The following GCNT1 variants were observed in gnomAD, a reference collection of about 807,000 sequenced individuals.
The protein encoded by GCNT1 is beta-1,3-galactosyl-O-glycosyl-glycoprotein beta-1,6-N-acetylglucosaminyltransferase.
Under a neutral mutation model 26.2 loss-of-function variants are expected in GCNT1, and 16 were observed. The observed-to-expected ratio is 0.61, with a 90% confidence interval of 0.41 to 0.93. The LOEUF (loss-of-function observed/expected upper bound fraction) is 0.93. GCNT1 is among the 40% of genes least tolerant of loss of function. The pLI is 0.00. For synonymous variants in GCNT1, 183 were observed against 190.8 expected, an observed-to-expected ratio of 0.96 and a Z score of 0.34; for missense variants, 477 against 526.7, an observed-to-expected ratio of 0.91 and a Z score of 0.92.
chr9:76,426,199 C>T lies in GCNT1; in HGVS notation n.38+6312C>T, dbSNP rs529967616. On this transcript the variant is annotated intron_variant and non_coding_transcript_variant, in intron 1 of 3. Transcript: ENST00000488136. ...TTCTCCCCAAAGTTAGTTCGTCCTG[C>T]GCTCAGGAATGAACAAGGACAGCTT... Among the ~76,000 whole-genome samples, 110 of 152,248 alleles carry T rather than the reference C, an allele frequency of 7.2e-4. 1 individual carries two copies. The highest frequency in any genetic ancestry group is 2.5e-3 in the African/African-American group (104 of 41,550).
At chr9:76,412,392 CCTACATTATTTTT>C in the GCNT1 span, among the ~76,000 whole-genome samples, 2 of 152,168 alleles carry the variant, frequency 1.3e-5, no homozygotes, top group Non-Finnish European at 1.5e-5. Flanking sequence ...ACATTTCTGA[CCTACATTATTTTT>C]CTTCTATGTG....
At chr9:76,474,587 T>C (rs1824213789) in intron 2 of GCNT1, among the ~76,000 whole-genome samples, 1 of 152,204 alleles carries the variant, frequency 6.6e-6, no homozygotes. Flanking sequence ...CTATTACATC[T>C]GAGCAAAAAT....
At chr9:76,455,198 A>G (rs1823737857), upstream of GCNT1, among the ~76,000 whole-genome samples, 1 of 152,114 alleles carries the variant, frequency 6.6e-6, no homozygotes, top group Admixed American at 6.5e-5. Context: ...TCTTTATAGC[A>G]ATGTGAAAGC....
chr9:76,504,685 G>A lies in GCNT1; in HGVS notation c.*1017G>A. On this transcript the variant is annotated 3_prime_UTR_variant, in exon 4 of 4. Transcript: ENST00000376730. The stretch of plus-strand genomic sequence containing the variant: ...TGACACCATCCCCAAAATTAAGGCT[G>A]TCGCTTATTGAATCCACTTGTGTCC... 2 of 413,140 alleles carry A rather than the reference G, an allele frequency of 4.8e-6. No individual in the cohort carries two copies. The highest frequency in any genetic ancestry group is 3.6e-5 in the East Asian group (1 of 28,088). The allele number at this position is 413,140 out of a possible 1,614,324, so 25.6% of individuals were successfully genotyped here. A position where few individuals can be genotyped will look rare whatever the true frequency, so the allele number is the denominator to read the frequency against.
intron 1 of GCNT1, among the ~76,000 whole-genome samples, chr9:76,429,617 G>A (rs935508268): frequency 2.0e-5 from 3 of 152,028 alleles, no homozygotes; most frequent in Admixed American, 6.6e-5. Context: ...CATTTAGGAG[G>A]CTAGGTCCAG....
chr9:76,491,119 CTTT>C (rs1176586688), intron 2 of GCNT1, among the ~76,000 whole-genome samples: 5 of 149,740 alleles, frequency 3.3e-5, no homozygotes, highest in Admixed American at 6.6e-5. Flanking sequence ...TTGACTTCTT[CTTT>C]GTCTCTCTCT....
intron 2 of GCNT1, among the ~76,000 whole-genome samples, chr9:76,475,609 C>T (rs1333289171): frequency 6.6e-5 from 10 of 151,536 alleles, no homozygotes; most frequent in African/African-American, 2.2e-4. Context: ...GAGACTTGAC[C>T]GAGGCCACTA....
rs1212803134 is a variant in GCNT1, at chr9:76,502,793, A to G, written c.412A>G (p.Arg138Gly). ...VVHHKIEMLD[R>G]LLRAIYMPQN... ...TCATCACAAGATTGAAATGCTTGAC[A>G]GGCTGCTGAGGGCCATCTATATGCC... Residue 138 changes from arginine to glycine, a missense_variant, in exon 4 of 4, where the codon AGG becomes GGG. By Grantham distance (125) the Arg-to-Gly change is moderately radical. Coordinates refer to ENST00000376730, the MANE Select transcript of GCNT1 (RefSeq NM_001490.5). 6.2e-7 allele frequency: 1 copy of G among 1,614,040 alleles called. No homozygotes were observed. The highest frequency in any genetic ancestry group is 1.6e-4 in the Middle Eastern group (1 of 6,084).
At position 76,462,473 on chromosome 9, in the gene GCNT1, T is replaced by C. The variant is rs566880445; in HGVS notation, c.-290+2296T>C. On this transcript the variant is annotated intron_variant, in intron 2 of 3. Coordinates refer to ENST00000376730, the MANE Select transcript of GCNT1 (RefSeq NM_001490.5). ...TCTGTTGTGGGGGCTGTCCTGTGCA[T>C]TGCAGGATGTTTAGCAGCATCTCTG... Among the ~76,000 whole-genome samples, 55 of 152,334 alleles carry C rather than the reference T, an allele frequency of 3.6e-4. 1 individual carries two copies. The highest frequency in any genetic ancestry group is 1.2e-3 in the African/African-American group (51 of 41,588).
intron 2 of GCNT1, among the ~76,000 whole-genome samples, chr9:76,467,173 T>G (rs1167688754): frequency 1.3e-5 from 2 of 152,042 alleles, no homozygotes; most frequent in East Asian, 3.9e-4. Flanking sequence ...CTCCCAAGTA[T>G]CTGGGACTAC....
chr9:76,481,064 C>A (rs985335557), intron 2 of GCNT1, among the ~76,000 whole-genome samples: 1 of 152,070 alleles, frequency 6.6e-6, no homozygotes, highest in African/African-American at 2.4e-5. Context: ...CATGGTGAAA[C>A]CCCATGTCTA....
At position 76,503,800 on chromosome 9, in the gene GCNT1, G is replaced by T; in HGVS notation, c.*132G>T. 1 of 705,184 alleles carries T rather than the reference G, an allele frequency of 1.4e-6. No homozygotes were observed. Among genetic ancestry groups the T allele is most frequent in the Non-Finnish European group, 2.5e-6 (1 of 400,628 alleles). 43.7% of individuals were successfully genotyped at this position (705,184 alleles called of 1,614,324 possible). Reference sequence around the variant, plus strand: ...GGCAGGGACTCTAGTAGATCTTCTTGTCAGAGAAGCTGCATGGTTTCTGCA... The same window carrying T: ...GGCAGGGACTCTAGTAGATCTTCTTTTCAGAGAAGCTGCATGGTTTCTGCA... On this transcript the variant is annotated 3_prime_UTR_variant, in exon 4 of 4. Transcript: ENST00000376730.
intron 1 of GCNT1, among the ~76,000 whole-genome samples, chr9:76,436,074 C>T (rs1203201169): frequency 6.6e-6 from 1 of 151,190 alleles, no homozygotes; most frequent in Non-Finnish European, 1.5e-5. Flanking sequence ...TCCTCAGCCT[C>T]CCCAGTAGGT....
intron 2 of GCNT1, among the ~76,000 whole-genome samples, chr9:76,495,062 G>A (rs1040705245): frequency 3.9e-5 from 6 of 152,148 alleles, no homozygotes; most frequent in African/African-American, 1.4e-4. Flanking sequence ...TGGCCGATAG[G>A]TGCCCAGTAT....
At chr9:76,470,603 CA>C (rs10564028) in intron 2 of GCNT1, among the ~76,000 whole-genome samples, 52,500 of 94,292 alleles carry the variant, frequency 0.56, 11,474 homozygotes, top group Middle Eastern at 0.59. Flanking sequence ...GACCCTGTCC[CA>C]AAAAAAAAAA....
chr9:76,493,072 C>T (rs7848842), intron 2 of GCNT1, among the ~76,000 whole-genome samples: 11,325 of 152,110 alleles, frequency 0.074, 1,342 homozygotes, highest in African/African-American at 0.26. Flanking sequence ...CTCCCGTAGC[C>T]GCTTGAGGAA....
the GCNT1 span, among the ~76,000 whole-genome samples, chr9:76,414,739 C>G: frequency 6.6e-6 from 1 of 152,196 alleles, no homozygotes; most frequent in South Asian, 2.1e-4. Context: ...TGCATTATAA[C>G]GAACATATAA....
chr9:76,500,853 T>C (rs1217170388), intron 2 of GCNT1, 63 bp from the exon 3 acceptor site: 1 of 152,232 alleles, frequency 6.6e-6, no homozygotes, highest in Non-Finnish European at 1.5e-5. Context: ...CCAACATATT[T>C]TCTGAGTGTG....
At chr9:76,491,602 A>C (rs1264634535) in intron 2 of GCNT1, among the ~76,000 whole-genome samples, 1 of 152,210 alleles carries the variant, frequency 6.6e-6, no homozygotes, top group Admixed American at 6.5e-5. Context: ...ACTTTCAAGT[A>C]CTGTTACATC....
Sources: allele counts gnomAD v4.1 joint callset (sites outside exome capture counted in the v4.1 genomes callset), GRCh38; gene constraint gnomAD v4.1.1; transcripts MANE v1.5; gene names NCBI Gene and HGNC (gene_info 2026-07-23, HGNC 2026-07-21).